Variants in UNC13B observed in about 807,000 individuals in gnomAD.
The protein encoded by UNC13B is protein unc-13 homolog B.
A neutral mutation model predicts 211.0 loss-of-function variants in UNC13B; 144 were observed. The ratio of observed to expected loss-of-function variants is 0.68; its 90% CI spans 0.60 to 0.78. The LOEUF is 0.78. Among genes scored for constraint, UNC13B ranks in the 30% least tolerant of loss-of-function variants. The pLI is 0.00. For synonymous variants in UNC13B, 709 were observed against 725.8 expected (o/e 0.98, Z 0.37); for missense variants, 1,777 against 2,002.0 (o/e 0.89, Z 2.14).
At chr9:35,206,883 A>G (rs909468710) in intron 1 of UNC13B, among the ~76,000 whole-genome samples, 1 of 151,912 alleles carries the variant, frequency 6.6e-6, no homozygotes, top group Admixed American at 6.6e-5. Context: ...AAAAAAAAAA[A>G]AAAAAAACAC....
chr9:35,302,167 AG>A lies in UNC13B; in HGVS notation c.2764del (p.Asp922IlefsTer7), dbSNP rs958864484. 5.0e-6 allele frequency: 2 copies of A among 398,670 alleles called. No individual in the cohort carries two copies. Among genetic ancestry groups the A allele is most frequent in the African/African-American group, 4.1e-5 (2 of 48,638 alleles). 24.7% of individuals were successfully genotyped at this position (398,670 alleles called of 1,614,324 possible). On this transcript the variant is annotated frameshift_variant, in exon 9 of 40. Coordinates refer to ENST00000635942, the MANE Select transcript of UNC13B (RefSeq NM_001371189.2). LOFTEE classifies it high-confidence loss of function. The part of the protein sequence containing the change: ...DEESKKNCHE[D>X]TKHSSIKSSS... ...AGGAGAGCAAAAAAAATTGCCATGA[AG>A]ATACCAAACATAGTTCAATAAAATC...
intron 11 of UNC13B, among the ~76,000 whole-genome samples, chr9:35,342,838 C>T (rs986721157): frequency 3.3e-5 from 5 of 152,160 alleles, no homozygotes; most frequent in Admixed American, 3.3e-4. Flanking sequence ...CTCAAGTAAC[C>T]TTTCTGTTCT....
At chr9:35,246,263 G>T (rs1011580019) in intron 6 of UNC13B, among the ~76,000 whole-genome samples, 16 of 151,890 alleles carry the variant, frequency 1.1e-4, no homozygotes, top group Middle Eastern at 6.8e-3. Context: ...CTTTGTCAGA[G>T]GAGTAGATTG....
At chr9:35,384,461 C>A in intron 22 of UNC13B, 147 bp downstream of exon 22, 1 of 1,409,164 alleles carries the variant, frequency 7.1e-7, no homozygotes. Flanking sequence ...GCTACTGACA[C>A]CTGTGGTTCT....
rs551625437 is a variant in UNC13B, at chr9:35,285,652, A to G, written c.527-10044A>G. On this transcript the variant is annotated intron_variant, in intron 7 of 39. Transcript: ENST00000635942. ...GGATTGGTTGAGGCAGCAATGAGCC[A>G]TGATTGTCACTGCACTCCAGCATGG... Among the ~76,000 whole-genome samples, 13 of 152,308 alleles carry G rather than the reference A, an allele frequency of 8.5e-5. No homozygotes were observed. In the East Asian group the frequency reaches 2.3e-3, roughly 27 times the overall value.
intron 7 of UNC13B, among the ~76,000 whole-genome samples, chr9:35,259,427 C>G (rs1335430748): frequency 6.6e-6 from 1 of 152,120 alleles, no homozygotes; most frequent in Non-Finnish European, 1.5e-5. Context: ...ACTTAGGTCT[C>G]TCCTGTGTGC....
At chr9:35,321,462 C>T (rs1163962978) in intron 11 of UNC13B, among the ~76,000 whole-genome samples, 1 of 152,094 alleles carries the variant, frequency 6.6e-6, no homozygotes, top group Non-Finnish European at 1.5e-5. Context: ...AGCAATTTTC[C>T]TGTCTCAACC....
At chr9:35,356,424 T>C (rs576800358) in intron 11 of UNC13B, among the ~76,000 whole-genome samples, 6 of 152,286 alleles carry the variant, frequency 3.9e-5, no homozygotes, top group Middle Eastern at 3.4e-3. Flanking sequence ...TACTCTCATG[T>C]GCATTGTATA....
intron 7 of UNC13B, among the ~76,000 whole-genome samples, chr9:35,288,038 A>G (rs1828892225): frequency 1.3e-5 from 2 of 151,672 alleles, no homozygotes; most frequent in Admixed American, 1.3e-4. Context: ...TCCACATTTT[A>G]TTTACTCATT....
chr9:35,166,515 AT>A lies in UNC13B; in HGVS notation c.22+4220del, dbSNP rs562837794. Among the ~76,000 whole-genome samples, 120 of 150,712 alleles carry A rather than the reference AT, an allele frequency of 8.0e-4. 2 individuals are homozygous for A. In the South Asian group the frequency reaches 0.019, roughly 24 times the overall value. ...ATTGCTAACTTTTTTTTTAAATTTAATTTTTTTTTTAAAGATGGGATCTCAC... is the reference window on the plus strand; with the variant it reads ...ATTGCTAACTTTTTTTTTAAATTTAATTTTTTTTTAAAGATGGGATCTCAC... On this transcript the variant is annotated intron_variant, in intron 1 of 39. Transcript: ENST00000635942.
At chr9:35,388,175 G>A (rs1835302364) in intron 24 of UNC13B, among the ~76,000 whole-genome samples, 1 of 152,130 alleles carries the variant, frequency 6.6e-6, no homozygotes, top group Non-Finnish European at 1.5e-5. Flanking sequence ...TGGGAAGCCG[G>A]GGCGGGTGGA....
chr9:35,239,222 G>A (rs982049172), intron 5 of UNC13B, among the ~76,000 whole-genome samples: 1 of 151,930 alleles, frequency 6.6e-6, no homozygotes, highest in African/African-American at 2.4e-5. Context: ...ATTTCACGTG[G>A]GTCCTTTTCC....
rs1383011540 is a variant in UNC13B at position 35,362,818 on chromosome 9, AAT to A, written c.9415-4128_9415-4127del. On this transcript the variant is annotated intron_variant, in intron 11 of 39. Coordinates refer to ENST00000635942, the MANE Select transcript of UNC13B (RefSeq NM_001371189.2). ...CCGTCTCAAAAAAAAAAAAAAAAAA[AAT>A]CTGCATCTATTTGCTCTGGTTCTCA... is the stretch of plus-strand genomic sequence containing the variant. Among the ~76,000 whole-genome samples, 3 of 152,052 alleles carry A rather than the reference AAT, an allele frequency of 2.0e-5. No homozygotes were observed. The East Asian group carries it at 5.8e-4, about 29-fold the overall frequency.
rs200497770 is a variant in UNC13B, at chr9:35,403,817, C to T, written c.12807C>T (p.Ala4269=). The change falls in exon 40 of 40, where the codon GCC becomes GCT. Residue 4269 remains alanine (A), a synonymous_variant. Transcript: ENST00000635942. ...LQICVKDYCF[A]REDRVLGLAV... ...TATGCGTGAAGGATTACTGCTTTGC[C>T]CGGGAAGATCGCGTGCTAGGGCTGG... 4 of 1,614,112 alleles carry T rather than the reference C, an allele frequency of 2.5e-6. No homozygotes were observed. Among genetic ancestry groups the T allele is most frequent in the Non-Finnish European group, 3.4e-6 (4 of 1,180,028 alleles).
At chr9:35,384,030 A>T (rs1251787709) in intron 21 of UNC13B, among the ~76,000 whole-genome samples, 2 of 152,146 alleles carry the variant, frequency 1.3e-5, no homozygotes, top group Non-Finnish European at 2.9e-5. Flanking sequence ...GATTTCCCAG[A>T]TTGGGACAGA....
intron 6 of UNC13B, among the ~76,000 whole-genome samples, chr9:35,247,182 G>A (rs1319959939): frequency 3.9e-5 from 6 of 152,264 alleles, no homozygotes; most frequent in East Asian, 3.9e-4. Flanking sequence ...AGGAATGCTT[G>A]TGATTTTTGC....
chr9:35,335,913 C>T (rs1054826095), intron 11 of UNC13B, among the ~76,000 whole-genome samples: 1 of 152,068 alleles, frequency 6.6e-6, no homozygotes, highest in African/African-American at 2.4e-5. Flanking sequence ...CCCTATGTTG[C>T]CCAGGCTGGT....
At chr9:35,311,871 A>G (rs1436964369) in intron 10 of UNC13B, among the ~76,000 whole-genome samples, 1 of 152,140 alleles carries the variant, frequency 6.6e-6, no homozygotes, top group Non-Finnish European at 1.5e-5. Context: ...AACATCTCAT[A>G]ATGAAGCTGA....
chr9:35,206,694 T>G (rs1823666982), intron 1 of UNC13B, among the ~76,000 whole-genome samples: 1 of 151,862 alleles, frequency 6.6e-6, no homozygotes, highest in African/African-American at 2.4e-5. Flanking sequence ...GCCAACATGG[T>G]GAAATCCCAT....
Sources: allele counts gnomAD v4.1 joint callset (sites outside exome capture counted in the v4.1 genomes callset), GRCh38; gene constraint gnomAD v4.1.1; transcripts MANE v1.5; gene names NCBI Gene and HGNC (gene_info 2026-07-23, HGNC 2026-07-21).